The following PDE3A variants were observed in gnomAD, a reference collection of about 807,000 sequenced individuals.
PDE3A encodes the protein phosphodiesterase 3A, also known as cGMP-inhibited 3',5'-cyclic phosphodiesterase 3A.
PDE3A carries 43 observed loss-of-function variants against 98.3 expected under a neutral mutation model. The observed-to-expected ratio is 0.44, with a 90% CI of 0.34 to 0.56. The LOEUF is 0.56. Ranked by LOEUF, PDE3A falls within the 20% of genes least tolerant of loss-of-function variation. PDE3A has a pLI of 0.01. For synonymous variants in PDE3A, 663 were observed against 567.9 expected, an observed-to-expected ratio of 1.17 and a Z score of -2.38; for missense variants, 1,427 against 1,440.7, an observed-to-expected ratio of 0.99 and a Z score of 0.15.
chr12:20,653,908 G>A, intron 14 of PDE3A, 39 bp from the exon 15 acceptor site: 1 of 1,599,168 alleles, frequency 6.3e-7, no homozygotes, highest in Non-Finnish European at 8.5e-7. Context: ...AATTTCAGAT[G>A]CCAGGTGAAT....
chr12:20,409,821 A>AT (rs1306269557), intron 1 of PDE3A, among the ~76,000 whole-genome samples: 3 of 152,212 alleles, frequency 2.0e-5, no homozygotes, highest in African/African-American at 7.2e-5. Flanking sequence ...TCTTTTACAG[A>AT]TTAACTATTT....
At chr12:20,548,574 A>G (rs912490433) in intron 1 of PDE3A, among the ~76,000 whole-genome samples, 10 of 152,090 alleles carry the variant, frequency 6.6e-5, no homozygotes, top group African/African-American at 2.4e-4. Context: ...TTATGTAACT[A>G]ATCTTAAAAT....
intron 1 of PDE3A, among the ~76,000 whole-genome samples, chr12:20,493,124 TG>T (rs1473466163): frequency 1.3e-4 from 20 of 152,190 alleles, no homozygotes; most frequent in Non-Finnish European, 2.9e-5. Flanking sequence ...CAGCAAATAT[TG>T]TTAATAGTAT....
chr12:20,383,627 C>T (rs1943698163), intron 1 of PDE3A, among the ~76,000 whole-genome samples: 1 of 151,992 alleles, frequency 6.6e-6, no homozygotes, highest in Admixed American at 6.6e-5. Context: ...CTAGGAGCAG[C>T]AGGAGTCCTG....
At chr12:20,471,511 A>G (rs866273791) in intron 1 of PDE3A, among the ~76,000 whole-genome samples, 13 of 152,222 alleles carry the variant, frequency 8.5e-5, no homozygotes, top group African/African-American at 2.4e-4. Context: ...ACGGAGTCCA[A>G]TCATGCTCTC....
At chr12:20,383,162 G>T (rs1011975756) in intron 1 of PDE3A, among the ~76,000 whole-genome samples, 7 of 151,728 alleles carry the variant, frequency 4.6e-5, no homozygotes, top group Non-Finnish European at 2.9e-5. Context: ...TGCTTTTGAG[G>T]GTCGGTTGTG....
rs368113031 is a variant in PDE3A at position 20,369,840 on chromosome 12, C to T, written c.556C>T (p.Leu186Phe). Reference protein sequence around the residue: ...IGLGVGEDHLLSLPAAGVVLS... With the variant: ...IGLGVGEDHLFSLPAAGVVLS... ...GCTGGGCGTCGGGGAGGATCACTTACTCTCACTCCCCGCCGCGGGGGTGGT... is the reference window on the plus strand; with the variant it reads ...GCTGGGCGTCGGGGAGGATCACTTATTCTCACTCCCCGCCGCGGGGGTGGT... The change falls in exon 1 of 16, where the codon CTC becomes TTC. Residue 186 changes from leucine (L) to phenylalanine (F), a missense_variant. By Grantham distance (22) the Leu-to-Phe change is conservative. Coordinates refer to ENST00000359062, the MANE Select transcript of PDE3A (RefSeq NM_000921.5). 38 of 1,611,838 alleles carry T rather than the reference C, an allele frequency of 2.4e-5. No individual in the cohort carries two copies. The highest frequency in any genetic ancestry group is 1.9e-4 in the African/African-American group (14 of 75,012).
At position 20,369,307 on chromosome 12, in the gene PDE3A, C is replaced by A; in HGVS notation, c.23C>A (p.Ala8Glu). MAVPGDA[A>E]RVRDKPVHSG... The stretch of plus-strand genomic sequence containing the variant: ...ACCATGGCAGTGCCCGGCGACGCTG[C>A]ACGAGTCAGGGACAAGCCCGTCCAC... The change falls in exon 1 of 16, where the codon GCA becomes GAA. Residue 8 changes from alanine to glutamate, a missense_variant. This residue lies in a region of PDE3A where 1,012 missense variants were observed against 886.5 expected (regional missense o/e 1.14). Coordinates refer to ENST00000359062, the MANE Select transcript of PDE3A (RefSeq NM_000921.5). 1 of 1,530,948 alleles carries A rather than the reference C, an allele frequency of 6.5e-7. No homozygotes were observed. Among genetic ancestry groups the A allele is most frequent in the Non-Finnish European group, 8.8e-7 (1 of 1,134,654 alleles). The allele number at this position is 1,530,948 out of a possible 1,614,324, so 94.8% of individuals were successfully genotyped here. A position where few individuals can be genotyped will look rare whatever the true frequency, so the allele number is the denominator to read the frequency against.
At chr12:20,566,713 GA>G (rs1942667638) in intron 2 of PDE3A, among the ~76,000 whole-genome samples, 1 of 151,862 alleles carries the variant, frequency 6.6e-6, no homozygotes, top group Non-Finnish European at 1.5e-5. Flanking sequence ...ATGATGATTG[GA>G]AAATATAGAA....
intron 15 of PDE3A, among the ~76,000 whole-genome samples, chr12:20,668,081 G>A (rs966943814): frequency 1.3e-5 from 2 of 152,180 alleles, no homozygotes; most frequent in Admixed American, 6.5e-5. Context: ...CAAAGAAAGG[G>A]GTGACAGATG....
chr12:20,389,442 G>C lies in PDE3A; in HGVS notation c.960+19198G>C, dbSNP rs79774203. Among the ~76,000 whole-genome samples, 29 of 152,102 alleles carry C rather than the reference G, an allele frequency of 1.9e-4. 1 individual carries two copies. The East Asian group carries it at 5.6e-3, about 29-fold the overall frequency. On this transcript the variant is annotated intron_variant, in intron 1 of 15. Transcript: ENST00000359062. ...AACTGTAAGGAAGATCAGAGTGCCA[G>C]TACTTACTAGTCAGTGCTTCTTGTT... is the stretch of plus-strand genomic sequence containing the variant.
chr12:20,670,992 C>T (rs1166383174), intron 15 of PDE3A, among the ~76,000 whole-genome samples: 31 of 113,884 alleles, frequency 2.7e-4, no homozygotes, highest in South Asian at 3.1e-4. Flanking sequence ...ATCAAATAGA[C>T]GCAATAAAAT....
intron 2 of PDE3A, among the ~76,000 whole-genome samples, chr12:20,581,845 C>T (rs572068415): frequency 9.2e-5 from 14 of 152,068 alleles, no homozygotes; most frequent in African/African-American, 3.4e-4. Context: ...ATCTCCTGAC[C>T]TCGTGATCCG....
intron 2 of PDE3A, among the ~76,000 whole-genome samples, chr12:20,589,149 C>T (rs1943262345): frequency 6.6e-6 from 1 of 152,040 alleles, no homozygotes; most frequent in African/African-American, 2.4e-5. Context: ...TGGTCTTGAT[C>T]TCCTGACCTC....
chr12:20,602,644 G>A (rs900375270), intron 2 of PDE3A, among the ~76,000 whole-genome samples: 19 of 152,142 alleles, frequency 1.2e-4, no homozygotes, highest in African/African-American at 4.6e-4. Flanking sequence ...GACATGTTGG[G>A]AAGCAGTTTG....
At chr12:20,391,279 T>C (rs1943908610) in intron 1 of PDE3A, among the ~76,000 whole-genome samples, 1 of 151,254 alleles carries the variant, frequency 6.6e-6, no homozygotes, top group African/African-American at 2.4e-5. Context: ...ACAGTTAATA[T>C]ATGTGTGTAT....
intron 1 of PDE3A, among the ~76,000 whole-genome samples, chr12:20,448,506 AC>A (rs1324934677): frequency 1.3e-5 from 2 of 152,170 alleles, no homozygotes; most frequent in African/African-American, 2.4e-5. Flanking sequence ...TAGGTATGTT[AC>A]TTTTGTTAAC....
intron 1 of PDE3A, among the ~76,000 whole-genome samples, chr12:20,477,446 CA>C (rs555404680): frequency 1.2e-4 from 18 of 152,164 alleles, no homozygotes; most frequent in Non-Finnish European, 2.4e-4. Context: ...TGCTGATCGG[CA>C]ATAATGAACC....
chr12:20,487,154 G>GTGTC (rs112645799), intron 1 of PDE3A, among the ~76,000 whole-genome samples: 2,101 of 31,016 alleles, frequency 0.068, 22 homozygotes, highest in Non-Finnish European at 0.2. Context: ...GACTGGCGTA[G>GTGTC]TGTCTGTGAG....
Sources: gnomAD v4.1 joint callset for allele counts (sites outside exome capture counted in the v4.1 genomes callset) on GRCh38, gnomAD v4.1.1 for gene constraint, gnomAD v4.1.1 regional missense constraint, MANE v1.5 for transcripts, NCBI Gene and HGNC (gene_info 2026-07-23, HGNC 2026-07-21) for gene names.